Variants in UNC79 observed in about 807,000 individuals in gnomAD.
The protein encoded by UNC79 is protein unc-79 homolog.
In UNC79, 37 loss-of-function variants were observed where a neutral mutation model predicts 283.1. That is an observed-to-expected ratio of 0.13 (90% CI 0.10 to 0.17). The LOEUF (loss-of-function observed/expected upper bound fraction) is 0.17, where lower values mean the gene tolerates loss of function less well. UNC79 is among the 10% of genes least tolerant of loss of function. UNC79 has a pLI of 1.00. For missense variants in UNC79, 2,272 were observed against 3,211.1 expected (o/e 0.71, Z 7.07); for synonymous variants, 1,107 against 1,200.2 (o/e 0.92, Z 1.61).
At position 93,659,064 on chromosome 14, in the gene UNC79, G is replaced by T; in HGVS notation, c.6457-129G>T. ...TTTCAACAAGGATATTATGGCATGG[G>T]AATCTGTTGAGATGCAGTCATATTT... is the stretch of plus-strand genomic sequence containing the variant. On this transcript the variant is annotated intron_variant, in intron 38 of 48. Coordinates refer to ENST00000555664, the Ensembl canonical transcript of UNC79. 3 of 633,882 alleles carry T rather than the reference G, an allele frequency of 4.7e-6. No homozygotes were observed. In the South Asian group the frequency reaches 7.5e-5, roughly 16 times the overall value. The allele number at this position is 633,882 out of a possible 1,614,324, so 39.3% of individuals were successfully genotyped here. A position where few individuals can be genotyped will look rare whatever the true frequency, so the allele number is the denominator to read the frequency against.
intron 8 of UNC79, among the ~76,000 whole-genome samples, chr14:93,525,074 A>C (rs1245453033): frequency 6.6e-6 from 1 of 152,238 alleles, no homozygotes; most frequent in Non-Finnish European, 1.5e-5. Flanking sequence ...GATACATTAT[A>C]CTAACAAAGG....
chr14:93,629,619 T>G (rs563151669), intron 30 of UNC79, among the ~76,000 whole-genome samples: 1 of 152,340 alleles, frequency 6.6e-6, no homozygotes, highest in East Asian at 1.9e-4. Context: ...CTCAGGAACC[T>G]TTCTCCTAGA....
intron 1 of UNC79, among the ~76,000 whole-genome samples, chr14:93,436,698 CAT>C (rs2056095466): frequency 1.3e-5 from 2 of 152,116 alleles, no homozygotes; most frequent in Admixed American, 6.5e-5. Context: ...CATAAATAAA[CAT>C]ATATATTGGC....
intron 1 of UNC79, chr14:93,464,474 C>T (rs554034964): frequency 7.5e-5 from 34 of 454,728 alleles, no homozygotes; most frequent in African/African-American, 5.8e-4. Context: ...ACCACGGAAA[C>T]GGCCTCATTT....
At chr14:93,370,947 G>A (rs774998974) in intron 1 of UNC79, among the ~76,000 whole-genome samples, 1 of 151,988 alleles carries the variant, frequency 6.6e-6, no homozygotes, top group Non-Finnish European at 1.5e-5. Flanking sequence ...AAAAAAAATA[G>A]AAGAATTATT....
intron 24 of UNC79, among the ~76,000 whole-genome samples, chr14:93,598,920 G>C (rs2065287681): frequency 6.6e-6 from 1 of 152,196 alleles, no homozygotes; most frequent in Non-Finnish European, 1.5e-5. Context: ...AGAAATATGA[G>C]ACCTGGAGAG....
chr14:93,374,588 G>C (rs1189948829), intron 1 of UNC79, among the ~76,000 whole-genome samples: 1 of 152,068 alleles, frequency 6.6e-6, no homozygotes, highest in Non-Finnish European at 1.5e-5. Flanking sequence ...ACTTAGGAAG[G>C]CGTACAATGG....
intron 1 of UNC79, among the ~76,000 whole-genome samples, chr14:93,464,862 T>C (rs2057102707): frequency 6.6e-6 from 1 of 152,116 alleles, no homozygotes; most frequent in Non-Finnish European, 1.5e-5. Flanking sequence ...AATGACCACC[T>C]CTCGTGCACA....
chr14:93,496,208 C>T (rs540490604), intron 5 of UNC79, among the ~76,000 whole-genome samples: 1 of 152,212 alleles, frequency 6.6e-6, no homozygotes, highest in Admixed American at 6.5e-5. Context: ...TGAAATACTT[C>T]TCAAGGACCT....
chr14:93,550,910 G>A (rs2061859054), intron 14 of UNC79, among the ~76,000 whole-genome samples: 1 of 152,192 alleles, frequency 6.6e-6, no homozygotes, highest in South Asian at 2.1e-4. Flanking sequence ...GGGGCCAAGA[G>A]GACTTCCTAG....
At chr14:93,645,092 T>C (rs923689816) in intron 34 of UNC79, among the ~76,000 whole-genome samples, 7 of 152,224 alleles carry the variant, frequency 4.6e-5, no homozygotes, top group African/African-American at 1.7e-4. Context: ...TCACAATTTC[T>C]ACTATCAATA....
chr14:93,613,988 C>A, intron 27 of UNC79, among the ~76,000 whole-genome samples: 1 of 148,616 alleles, frequency 6.7e-6, no homozygotes, highest in African/African-American at 2.5e-5. Flanking sequence ...ATTACACACT[C>A]AAATTTACAT....
intron 5 of UNC79, among the ~76,000 whole-genome samples, chr14:93,489,089 G>A (rs1310208329): frequency 6.6e-6 from 1 of 152,158 alleles, no homozygotes; most frequent in Non-Finnish European, 1.5e-5. Context: ...CTACAGGCAT[G>A]TGTTACCACA....
chr14:93,669,119 C>G (rs910933069), intron 40 of UNC79, among the ~76,000 whole-genome samples: 1 of 150,660 alleles, frequency 6.6e-6, no homozygotes, highest in African/African-American at 2.4e-5. Context: ...GTAGTAAAAA[C>G]AGGTAATTCT....
chr14:93,682,127 A>T (rs1325048713), intron 41 of UNC79, among the ~76,000 whole-genome samples: 1 of 152,168 alleles, frequency 6.6e-6, no homozygotes, highest in Non-Finnish European at 1.5e-5. Context: ...AGCACAAAGG[A>T]TACATGTGGA....
At chr14:93,340,374 G>A (rs1380096039) in intron 1 of UNC79, among the ~76,000 whole-genome samples, 2 of 150,926 alleles carry the variant, frequency 1.3e-5, no homozygotes, top group African/African-American at 2.4e-5. Flanking sequence ...CCCAGGAGGC[G>A]GAGCTTGCAG....
intron 1 of UNC79, among the ~76,000 whole-genome samples, chr14:93,350,951 A>C (rs557768157): frequency 6.6e-6 from 1 of 152,246 alleles, no homozygotes; most frequent in East Asian, 1.9e-4. Flanking sequence ...TGATAAGTCT[A>C]AATTTTTCAA....
upstream of UNC79, among the ~76,000 whole-genome samples, chr14:93,426,838 C>T (rs918407560): frequency 6.6e-6 from 1 of 151,952 alleles, no homozygotes; most frequent in Non-Finnish European, 1.5e-5. Flanking sequence ...TCTGGATCAT[C>T]TTGGGTTCAT....
chr14:93,459,732 G>A (rs1384298866), intron 1 of UNC79, among the ~76,000 whole-genome samples: 6 of 116,254 alleles, frequency 5.2e-5, no homozygotes, highest in East Asian at 2.2e-4. Flanking sequence ...CTGCAGTGGC[G>A]CTATCCCGGC....
Sources: allele counts gnomAD v4.1 joint callset (sites outside exome capture counted in the v4.1 genomes callset), GRCh38; gene constraint gnomAD v4.1.1; transcripts MANE v1.5; gene names NCBI Gene and HGNC (gene_info 2026-07-23, HGNC 2026-07-21).